The following MMUT variants were observed in gnomAD, a reference collection of about 807,000 sequenced individuals.
MMUT encodes methylmalonyl-CoA mutase, also known as methylmalonyl-CoA mutase, mitochondrial.
MMUT carries 79 observed loss-of-function variants against 79.9 expected under a neutral mutation model. The ratio of observed to expected loss-of-function variants is 0.99; its 90% CI spans 0.82 to 1.19. The LOEUF (loss-of-function observed/expected upper bound fraction) is 1.19. MMUT is among the 50% of genes most tolerant of loss of function. MMUT has a pLI of 0.00. For missense variants in MMUT, 860 were observed against 917.2 expected (o/e 0.94, Z 0.81); for synonymous variants, 273 against 295.7 (o/e 0.92, Z 0.79).
rs1165354588 is a variant in MMUT at position 49,430,468 on chromosome 6, GT to G, written c.*1259del. On this transcript the variant is annotated 3_prime_UTR_variant, in exon 13 of 13. Coordinates refer to ENST00000274813, the MANE Select transcript of MMUT (RefSeq NM_000255.4). ...AGTGTGCATTGCTTTACAAGGAAAAGTCAATAAAATGGCATAGTGAATATAT... is the reference window on the plus strand; with the variant it reads ...AGTGTGCATTGCTTTACAAGGAAAAGCAATAAAATGGCATAGTGAATATAT... 6.6e-6 allele frequency: 1 copy of G among 152,134 alleles called. No homozygotes were observed. Among genetic ancestry groups the G allele is most frequent in the African/African-American group, 2.4e-5 (1 of 41,414 alleles). 9.4% of individuals were successfully genotyped at this position (152,134 alleles called of 1,614,324 possible). A position where few individuals can be genotyped will look rare whatever the true frequency, so the allele number is the denominator to read the frequency against.
chr6:49,451,629 AAAG>A lies in MMUT; in HGVS notation c.1166_1168del (p.Ser389del). The A allele has an allele frequency of 6.2e-7, 1 of 1,614,158 alleles. No individual in the cohort carries two copies. The highest frequency in any genetic ancestry group is 8.5e-7 in the Non-Finnish European group (1 of 1,180,018). On this transcript the variant is annotated inframe_deletion, in exon 6 of 13. Coordinates refer to ENST00000274813, the MANE Select transcript of MMUT (RefSeq NM_000255.4). ...AGTTGGCAAACCCAAAGCTTCATCAAAAGAATTTGTGTGCAAAGACTGAGTCCC... is the reference window on the plus strand; with the variant it reads ...AGTTGGCAAACCCAAAGCTTCATCAAAATTTGTGTGCAAAGACTGAGTCCC...
At chr6:49,440,766 C>T (rs1441433353) in intron 10 of MMUT, among the ~76,000 whole-genome samples, 2 of 152,102 alleles carry the variant, frequency 1.3e-5, no homozygotes, top group Non-Finnish European at 2.9e-5. Flanking sequence ...GAGAACATCA[C>T]GGTGAACTAA....
At chr6:49,439,117 A>G (rs182238227) in intron 11 of MMUT, among the ~76,000 whole-genome samples, 7 of 152,266 alleles carry the variant, frequency 4.6e-5, no homozygotes, top group Admixed American at 4.6e-4. Flanking sequence ...GACCTGCTCA[A>G]GCTGGACCAC....
At chr6:49,439,359 G>C (rs1767212170) in intron 11 of MMUT, among the ~76,000 whole-genome samples, 1 of 152,152 alleles carries the variant, frequency 6.6e-6, no homozygotes, top group Non-Finnish European at 1.5e-5. Flanking sequence ...CAAAATCTTA[G>C]AGGCCTCTGC....
intron 12 of MMUT, among the ~76,000 whole-genome samples, chr6:49,435,039 C>T (rs1246645693): frequency 6.6e-6 from 1 of 152,140 alleles, no homozygotes; most frequent in Admixed American, 6.5e-5. Context: ...ACTCATTCCA[C>T]CCCCCAGGAC....
chr6:49,438,691 T>C (rs918039373), intron 11 of MMUT, among the ~76,000 whole-genome samples: 5 of 152,144 alleles, frequency 3.3e-5, no homozygotes, highest in African/African-American at 4.8e-5. Context: ...TGTGAGGGTG[T>C]TGTCAAAGGA....
chr6:49,447,829 T>A, intron 7 of MMUT, 44 bp from the exon 8 acceptor site: 1 of 1,026,826 alleles, frequency 9.7e-7, no homozygotes, highest in Non-Finnish European at 1.5e-6. Flanking sequence ...AATAATTACC[T>A]AATTGTAATG....
Position 49,451,605 on chromosome 6 carries a change from G to A in MMUT, c.1193C>T (p.Thr398Ile). Residue 398 changes from threonine (T) to isoleucine (I), a missense_variant, in exon 6 of 13, where the codon ACT becomes ATT. Coordinates refer to ENST00000274813, the MANE Select transcript of MMUT (RefSeq NM_000255.4). ...NSFDEALGLP[T>I]VKSARIARNT... ...CCTGGCAATTCGAGCACTTTTCACA[G>A]TTGGCAAACCCAAAGCTTCATCAAA... The A allele has an allele frequency of 1.1e-5, 17 of 1,614,104 alleles. No homozygotes were observed. The highest frequency in any genetic ancestry group is 1.4e-5 in the Non-Finnish European group (17 of 1,180,012).
In MMUT at chr6:49,448,909, C is replaced by A. The variant is rs768608311; in HGVS notation, c.1351G>T (p.Glu451Ter). The change falls in exon 7 of 13, where the codon GAA becomes TAA. Residue 451 changes from glutamate to a stop codon, truncating the protein, a stop_gained. Coordinates refer to ENST00000274813, the MANE Select transcript of MMUT (RefSeq NM_000255.4). LOFTEE classifies it high-confidence loss of function. ...ACAGCTTTGGCCATTCCACCCATTTCTTCAATTTCATTAATGAGCTAAAAA... is the reference window on the plus strand; with the variant it reads ...ACAGCTTTGGCCATTCCACCCATTTATTCAATTTCATTAATGAGCTAAAAA... ...AALKLINEIE[E>*]MGGMAKAVAE... 9 of 1,612,476 alleles carry A rather than the reference C, an allele frequency of 5.6e-6. No homozygotes were observed. The highest frequency in any genetic ancestry group is 7.6e-6 in the Non-Finnish European group (9 of 1,178,782).
intron 1 of MMUT, among the ~76,000 whole-genome samples, chr6:49,461,232 G>A (rs150370356): frequency 6.6e-6 from 1 of 152,240 alleles, no homozygotes; most frequent in African/African-American, 2.4e-5. Context: ...TAATGGTCTT[G>A]ATCTGATTGC....
At chr6:49,435,321 T>C in intron 12 of MMUT, 135 bp downstream of exon 12, 2 of 921,054 alleles carry the variant, frequency 2.2e-6, no homozygotes, top group Non-Finnish European at 3.4e-6. Flanking sequence ...CTTTTAGACC[T>C]TGTAGAATTT....
intron 5 of MMUT, 70 bp from the exon 6 acceptor site, chr6:49,451,784 A>G: frequency 6.9e-7 from 1 of 1,449,366 alleles, no homozygotes; most frequent in Non-Finnish European, 9.6e-7. Context: ...AAACAGCAAC[A>G]TGATTAAACA....
At chr6:49,454,083 T>C (rs969523914) in intron 4 of MMUT, among the ~76,000 whole-genome samples, 2 of 152,206 alleles carry the variant, frequency 1.3e-5, no homozygotes, top group South Asian at 2.1e-4. Context: ...ATACTCAATA[T>C]GTAAGACAGG....
intron 1 of MMUT, among the ~76,000 whole-genome samples, chr6:49,460,184 G>A (rs776217441): frequency 6.6e-6 from 1 of 152,152 alleles, no homozygotes; most frequent in Non-Finnish European, 1.5e-5. Context: ...AATTTGCAGC[G>A]TTTCTATGTG....
At chr6:49,453,477 T>C in intron 5 of MMUT, 108 bp downstream of exon 5, 1 of 473,740 alleles carries the variant, frequency 2.1e-6, no homozygotes, top group Non-Finnish European at 3.6e-6. Flanking sequence ...TCATTTCAAA[T>C]ATTAACAGAT....
chr6:49,440,982 A>G (rs1328116910), intron 10 of MMUT, among the ~76,000 whole-genome samples: 4 of 152,212 alleles, frequency 2.6e-5, no homozygotes, highest in African/African-American at 7.2e-5. Flanking sequence ...TTATCATGCT[A>G]TATAAATCAA....
intron 11 of MMUT, among the ~76,000 whole-genome samples, chr6:49,438,615 T>C (rs554692299): frequency 2.2e-4 from 34 of 152,276 alleles, no homozygotes; most frequent in Non-Finnish European, 3.8e-4. Flanking sequence ...TTGGACTATA[T>C]GTGTTATGGT....
intron 11 of MMUT, among the ~76,000 whole-genome samples, chr6:49,439,663 G>C (rs771787751): frequency 3.8e-4 from 58 of 152,058 alleles, no homozygotes; most frequent in Non-Finnish European, 1.2e-4. Flanking sequence ...CCTCTTTCTT[G>C]GTTTTAGTAG....
chr6:49,439,976 T>C (rs767678306), intron 11 of MMUT, among the ~76,000 whole-genome samples: 14 of 152,202 alleles, frequency 9.2e-5, no homozygotes, highest in Non-Finnish European at 2.1e-4. Context: ...AATAAACCCC[T>C]GCAGTAGGAC....
Sources: allele counts gnomAD v4.1 joint callset (sites outside exome capture counted in the v4.1 genomes callset), GRCh38; gene constraint gnomAD v4.1.1; transcripts MANE v1.5; gene names NCBI Gene and HGNC (gene_info 2026-07-23, HGNC 2026-07-21).